ANKRD31: variants seen among roughly 807,000 people sequenced by gnomAD.
The protein encoded by ANKRD31 is ankyrin repeat domain 31.
A neutral mutation model predicts 186.0 loss-of-function variants in ANKRD31; 147 were observed. The observed-to-expected ratio is 0.79, with a 90% CI of 0.69 to 0.91. The LOEUF (loss-of-function observed/expected upper bound fraction) is 0.91. Among genes scored for constraint, ANKRD31 ranks in the 40% least tolerant of loss-of-function variants. The pLI is 0.00. For missense variants in ANKRD31, 1,986 were observed against 2,148.8 expected (o/e 0.92, Z 1.50); for synonymous variants, 673 against 736.4 (o/e 0.91, Z 1.39).
chr5:75,194,741 ATT>A (rs2150248475), intron 7 of ANKRD31, among the ~76,000 whole-genome samples: 1 of 152,226 alleles, frequency 6.6e-6, no homozygotes, highest in Non-Finnish European at 1.5e-5. Flanking sequence ...AACAAAACAC[ATT>A]ATTAAATTTA....
chr5:75,101,652 C>T (rs1746890920), intron 22 of ANKRD31, among the ~76,000 whole-genome samples: 1 of 152,056 alleles, frequency 6.6e-6, no homozygotes. Flanking sequence ...CTCTAAACTT[C>T]TCCTCTCGCT....
At chr5:75,091,011 C>T (rs891205097) in intron 23 of ANKRD31, among the ~76,000 whole-genome samples, 3 of 152,106 alleles carry the variant, frequency 2.0e-5, no homozygotes, top group Non-Finnish European at 4.4e-5. Flanking sequence ...GAGTAAGAAA[C>T]GGAAGGTGCA....
intron 10 of ANKRD31, among the ~76,000 whole-genome samples, chr5:75,173,494 G>T (rs1753521508): frequency 6.6e-6 from 1 of 152,152 alleles, no homozygotes; most frequent in Non-Finnish European, 1.5e-5. Context: ...CATGGTCTCA[G>T]CCCAAAATCT....
At chr5:75,140,212 GAA>G (rs1750908677) in intron 15 of ANKRD31, among the ~76,000 whole-genome samples, 4 of 124,962 alleles carry the variant, frequency 3.2e-5, no homozygotes, top group African/African-American at 1.2e-4. Context: ...TCAAAAAAAA[GAA>G]AAGAAAAGAA....
intron 12 of ANKRD31, among the ~76,000 whole-genome samples, chr5:75,149,176 C>T (rs1751690024): frequency 6.6e-6 from 1 of 151,790 alleles, no homozygotes; most frequent in Non-Finnish European, 1.5e-5. Flanking sequence ...ATTTTAGTGT[C>T]TCTTCATAGC....
chr5:75,211,683 A>C (rs997085633), intron 3 of ANKRD31, among the ~76,000 whole-genome samples: 1 of 152,172 alleles, frequency 6.6e-6, no homozygotes, highest in Admixed American at 6.6e-5. Flanking sequence ...TTTAAATAAT[A>C]GTCATCATAA....
At chr5:75,169,781 C>T (rs575265233) in intron 10 of ANKRD31, among the ~76,000 whole-genome samples, 1 of 152,276 alleles carries the variant, frequency 6.6e-6, no homozygotes, top group South Asian at 2.1e-4. Context: ...GAACACTCAT[C>T]ATAAAATAGG....
intron 25 of ANKRD31, 35 bp downstream of exon 25, chr5:75,080,533 A>G (rs1418543924): frequency 7.1e-7 from 1 of 1,408,356 alleles, no homozygotes; most frequent in Admixed American, 2.1e-5. Context: ...CACTTATAAA[A>G]GTAAATGGAA....
intron 12 of ANKRD31, among the ~76,000 whole-genome samples, chr5:75,149,207 A>C (rs2150150554): frequency 6.6e-6 from 1 of 152,050 alleles, no homozygotes. Context: ...TAATAAAAGT[A>C]GCATTAAAGT....
intron 13 of ANKRD31, among the ~76,000 whole-genome samples, 163 bp downstream of exon 13, chr5:75,148,413 C>A (rs1287001858): frequency 6.6e-6 from 1 of 151,830 alleles, no homozygotes; most frequent in African/African-American, 2.4e-5. Context: ...AAACTAACAG[C>A]CCAGAACCCT....
chr5:75,148,651 A>T, intron 12 of ANKRD31, 23 bp from the exon 13 acceptor site: 1 of 1,508,656 alleles, frequency 6.6e-7, no homozygotes, highest in Non-Finnish European at 8.8e-7. Context: ...AGAGAAAATC[A>T]ATGAAAACAG....
intron 1 of ANKRD31, among the ~76,000 whole-genome samples, chr5:75,232,229 T>C (rs1740320060): frequency 6.6e-6 from 1 of 152,108 alleles, no homozygotes; most frequent in South Asian, 2.1e-4. Context: ...CCTAAAAGGG[T>C]AAGTTTATCT....
chr5:75,182,328 G>A (rs956714941), intron 10 of ANKRD31, among the ~76,000 whole-genome samples: 16 of 152,116 alleles, frequency 1.1e-4, no homozygotes, highest in South Asian at 4.1e-4. Context: ...CTCAAAAGTC[G>A]TTAACTTTGG....
intron 24 of ANKRD31, among the ~76,000 whole-genome samples, chr5:75,083,373 G>T (rs1745227691): frequency 6.6e-6 from 1 of 152,094 alleles, no homozygotes; most frequent in South Asian, 2.1e-4. Context: ...TTGAAACCAG[G>T]TGCTCAAACA....
At position 75,107,535 on chromosome 5, in the gene ANKRD31, C is replaced by T. The variant is rs759743544; in HGVS notation, c.4326G>A (p.Leu1442=). 1.1e-5 allele frequency: 17 copies of T among 1,525,212 alleles called. No individual in the cohort carries two copies. In the East Asian group the frequency reaches 1.2e-4, roughly 11 times the overall value. 94.5% of individuals were successfully genotyped at this position (1,525,212 alleles called of 1,614,324 possible). A position where few individuals can be genotyped will look rare whatever the true frequency, so the allele number is the denominator to read the frequency against. The change falls in exon 21 of 26, where the codon CTG becomes CTA. Residue 1442 remains leucine (L), a synonymous_variant. Transcript: ENST00000506364. The stretch of plus-strand genomic sequence containing the variant: ...TTTCTACTCACCTGTATTTTTTAGC[C>T]AGATCATCCCTTTCTGCTTTCTGCT... ...LAKQKAERDD[L]AKKYRVSIES...
chr5:75,116,180 A>T (rs368150300), intron 19 of ANKRD31, among the ~76,000 whole-genome samples: 1 of 146,486 alleles, frequency 6.8e-6, no homozygotes, highest in African/African-American at 2.5e-5. Flanking sequence ...AACACCGCAT[A>T]TTCTCACTCA....
At position 75,104,642 on chromosome 5, in the gene ANKRD31, G is replaced by C; in HGVS notation, c.4917C>G (p.Ile1639Met). The part of the protein sequence containing the change: ...DHEFYVSSPV[I>M]GKLNISETAS... ...CAGTTTCTGAAATATTTAATTTGCCGATTACTGGGGAAGAAACATAGAATT... is the reference window on the plus strand; with the variant it reads ...CAGTTTCTGAAATATTTAATTTGCCCATTACTGGGGAAGAAACATAGAATT... Residue 1639 changes from isoleucine (I) to methionine (M), a missense_variant, in exon 22 of 26, where the codon ATC becomes ATG. By Grantham distance (10) the Ile-to-Met change is conservative. Coordinates refer to ENST00000506364, the MANE Select transcript of ANKRD31 (RefSeq NM_001372053.1). 6.5e-7 allele frequency: 1 copy of C among 1,536,024 alleles called. No individual in the cohort carries two copies. The highest frequency in any genetic ancestry group is 8.7e-7 in the Non-Finnish European group (1 of 1,146,460).
intron 24 of ANKRD31, among the ~76,000 whole-genome samples, chr5:75,082,403 G>A (rs1044067405): frequency 6.6e-6 from 1 of 152,090 alleles, no homozygotes; most frequent in African/African-American, 2.4e-5. Context: ...CCTCTCTTCT[G>A]TATTGTCCCC....
At position 75,195,612 on chromosome 5, in the gene ANKRD31, A is replaced by T; in HGVS notation, c.1017+19T>A. The T allele has an allele frequency of 6.7e-7, 1 of 1,490,052 alleles. No individual in the cohort carries two copies. Among genetic ancestry groups the T allele is most frequent in the Middle Eastern group, 1.7e-4 (1 of 5,732 alleles). 92.3% of individuals were successfully genotyped at this position (1,490,052 alleles called of 1,614,324 possible). On this transcript the variant is annotated intron_variant, in intron 7 of 25. Transcript: ENST00000506364. The stretch of plus-strand genomic sequence containing the variant: ...CCATGTTCAAATGGTGGAGTAGAAC[A>T]AAGAAATTCAAAATTCACCTCTGCT...
Sources: allele counts gnomAD v4.1 joint callset (sites outside exome capture counted in the v4.1 genomes callset), GRCh38; gene constraint gnomAD v4.1.1; transcripts MANE v1.5; gene names NCBI Gene and HGNC (gene_info 2026-07-23, HGNC 2026-07-21).